The following AGBL4 variants were observed in gnomAD, a reference collection of about 807,000 sequenced individuals.
AGBL4 encodes the protein AGBL carboxypeptidase 4.
A neutral mutation model predicts 66.4 loss-of-function variants in AGBL4; 58 were observed. The ratio of observed to expected loss-of-function variants is 0.87; its 90% CI spans 0.71 to 1.09. AGBL4 has a LOEUF of 1.09. Among genes scored for constraint, AGBL4 ranks in the 50% least tolerant of loss-of-function variants. The pLI, the probability that AGBL4 is intolerant of heterozygous loss-of-function variation, is 0.00. For missense variants in AGBL4, 579 were observed against 631.0 expected, an observed-to-expected ratio of 0.92 and a Z score of 0.88; for synonymous variants, 234 against 222.9, an observed-to-expected ratio of 1.05 and a Z score of -0.44.
At chr1:49,545,377 T>C (rs1652388826) in intron 3 of AGBL4, among the ~76,000 whole-genome samples, 1 of 152,208 alleles carries the variant, frequency 6.6e-6, no homozygotes, top group Non-Finnish European at 1.5e-5. Context: ...GTTTGGAGGA[T>C]AATCTTCCCC....
intron 3 of AGBL4, among the ~76,000 whole-genome samples, chr1:49,448,994 A>C (rs1223637393): frequency 6.6e-6 from 1 of 152,036 alleles, no homozygotes; most frequent in Non-Finnish European, 1.5e-5. Context: ...AGTTATTAAT[A>C]AAAGGATAAT....
intron 6 of AGBL4, among the ~76,000 whole-genome samples, chr1:48,830,940 C>T (rs1272239429): frequency 6.6e-6 from 1 of 152,090 alleles, no homozygotes; most frequent in African/African-American, 2.4e-5. Flanking sequence ...AAACAAGGTC[C>T]CTGTCCCCAT....
At position 48,759,137 on chromosome 1, in the gene AGBL4, T is replaced by C. The variant is rs986021311; in HGVS notation, c.635-95896A>G. 4.3e-6 allele frequency: 7 copies of C among 1,613,900 alleles called. No individual in the cohort carries two copies. The highest frequency in any genetic ancestry group is 1.6e-4 in the Middle Eastern group (1 of 6,082). On this transcript the variant is annotated intron_variant, in intron 6 of 13. Coordinates refer to ENST00000371839, the MANE Select transcript of AGBL4 (RefSeq NM_032785.4). The stretch of plus-strand genomic sequence containing the variant: ...ACCACAGCATCTTCTAGACTGTCCA[T>C]GTCCTCTGTGCCTGGCGAGGCCTCC...
chr1:49,322,631 G>T (rs904614081), intron 3 of AGBL4, among the ~76,000 whole-genome samples: 8 of 152,190 alleles, frequency 5.3e-5, no homozygotes, highest in African/African-American at 1.2e-4. Context: ...AGAAATTGGA[G>T]TGCTGTGACC....
At chr1:49,762,920 T>C (rs1427587884) in intron 2 of AGBL4, among the ~76,000 whole-genome samples, 6 of 152,226 alleles carry the variant, frequency 3.9e-5, no homozygotes. Context: ...TTTTGTTTTC[T>C]GTACTTTCGA....
chr1:49,580,083 T>TA (rs2148882183), intron 3 of AGBL4, among the ~76,000 whole-genome samples: 1 of 152,328 alleles, frequency 6.6e-6, no homozygotes, highest in East Asian at 1.9e-4. Context: ...GTCTTTTTTT[T>TA]AACTATGTTG....
chr1:49,158,803 C>A (rs1646484677), intron 4 of AGBL4, among the ~76,000 whole-genome samples: 1 of 151,232 alleles, frequency 6.6e-6, no homozygotes, highest in Non-Finnish European at 1.5e-5. Flanking sequence ...GTTGCAGATC[C>A]CTTTACCATT....
intron 4 of AGBL4, among the ~76,000 whole-genome samples, chr1:49,145,735 C>T (rs1359575319): frequency 6.6e-6 from 1 of 152,076 alleles, no homozygotes. Context: ...ATCATAAGAT[C>T]CAGCAATCCC....
chr1:48,883,024 CACTTAGGTTGATT>C lies in AGBL4; in HGVS notation c.595-15807_595-15795del, dbSNP rs1467108763. Reference sequence around the variant, plus strand: ...TTTTATCCATTCATCTGCTGATGGACACTTAGGTTGATTACATATCTCAGCTATTGTGAATAAT... The same window carrying C: ...TTTTATCCATTCATCTGCTGATGGACACATATCTCAGCTATTGTGAATAAT... On this transcript the variant is annotated intron_variant, in intron 5 of 13. Coordinates refer to ENST00000371839, the MANE Select transcript of AGBL4 (RefSeq NM_032785.4). Among the ~76,000 whole-genome samples the C allele has an allele frequency of 3.3e-5, 5 of 152,264 alleles. No individual in the cohort carries two copies. In the East Asian group the frequency reaches 9.7e-4, roughly 29 times the overall value.
At chr1:49,925,010 A>G (rs1652619989) in intron 1 of AGBL4, among the ~76,000 whole-genome samples, 1 of 152,150 alleles carries the variant, frequency 6.6e-6, no homozygotes, top group African/African-American at 2.4e-5. Flanking sequence ...AGTAAATGGG[A>G]AGAAGAGGAG....
chr1:48,821,620 G>A (rs1024991322), intron 6 of AGBL4, among the ~76,000 whole-genome samples: 3 of 152,096 alleles, frequency 2.0e-5, no homozygotes, highest in Non-Finnish European at 2.9e-5. Flanking sequence ...GAGGGGGAAC[G>A]TTAAAAAATG....
At chr1:49,528,141 T>C (rs956424243) in intron 3 of AGBL4, among the ~76,000 whole-genome samples, 1 of 151,916 alleles carries the variant, frequency 6.6e-6, no homozygotes, top group South Asian at 2.1e-4. Flanking sequence ...GGGTAGATTA[T>C]AAGATAAAGA....
intron 11 of AGBL4, among the ~76,000 whole-genome samples, chr1:48,560,971 G>T (rs1248038161): frequency 6.6e-6 from 1 of 152,152 alleles, no homozygotes; most frequent in Non-Finnish European, 1.5e-5. Flanking sequence ...CTTGTGATTT[G>T]CCCCTGTCTA....
chr1:48,580,687 T>C (rs1644726509), intron 11 of AGBL4, among the ~76,000 whole-genome samples: 1 of 152,198 alleles, frequency 6.6e-6, no homozygotes, highest in South Asian at 2.1e-4. Flanking sequence ...TATCTATCTA[T>C]CTATAAAGCC....
chr1:48,591,193 T>C (rs1017804232), intron 9 of AGBL4, among the ~76,000 whole-genome samples: 6 of 146,648 alleles, frequency 4.1e-5, no homozygotes, highest in Non-Finnish European at 8.9e-5. Context: ...TGACGACCAA[T>C]TCCTCCTCAC....
rs993751673 is a variant in AGBL4 at position 49,833,014 on chromosome 1, A to T, written c.157+18382T>A. On this transcript the variant is annotated intron_variant, in intron 2 of 13. Coordinates refer to ENST00000371839, the MANE Select transcript of AGBL4 (RefSeq NM_032785.4). ...TTAGTTTAATTAGATCCCATTTGTC[A>T]ATTTTGGCTTTTGTTGCCATTGCTT... Among the ~76,000 whole-genome samples the T allele has an allele frequency of 5.2e-3, 795 of 151,746 alleles. 3 individuals are homozygous for T. Among genetic ancestry groups the T allele is most frequent in the Middle Eastern group, 0.017 (5 of 292 alleles).
intron 4 of AGBL4, among the ~76,000 whole-genome samples, chr1:49,114,019 A>T (rs1409639006): frequency 6.6e-6 from 1 of 152,226 alleles, no homozygotes; most frequent in Non-Finnish European, 1.5e-5. Context: ...ACTTAAAGTC[A>T]TCAGCTCCAT....
At chr1:49,992,564 G>C (rs982595942) in intron 1 of AGBL4, among the ~76,000 whole-genome samples, 5 of 151,146 alleles carry the variant, frequency 3.3e-5, no homozygotes, top group African/African-American at 4.9e-5. Context: ...TAACACAAAA[G>C]CTACTTTACA....
intron 2 of AGBL4, among the ~76,000 whole-genome samples, chr1:49,795,524 C>T (rs1557454268): frequency 6.6e-6 from 1 of 151,864 alleles, no homozygotes; most frequent in Non-Finnish European, 1.5e-5. Context: ...AGAATTGTTA[C>T]TGAAGTATTC....
Sources: gnomAD v4.1 joint callset for allele counts (sites outside exome capture counted in the v4.1 genomes callset) on GRCh38, gnomAD v4.1.1 for gene constraint, MANE v1.5 for transcripts, NCBI Gene and HGNC (gene_info 2026-07-23, HGNC 2026-07-21) for gene names.